Variants in CSGALNACT2 observed in about 807,000 individuals in gnomAD.
CSGALNACT2 encodes beta 4 GalNAcT-2.
CSGALNACT2 carries 35 observed loss-of-function variants against 55.3 expected under a neutral mutation model. That is an observed-to-expected ratio of 0.63 (90% CI 0.48 to 0.84). CSGALNACT2 has a LOEUF of 0.84. CSGALNACT2 is among the 40% of genes least tolerant of loss of function. The pLI is 0.00. For missense variants in CSGALNACT2, 544 were observed against 657.5 expected (o/e 0.83, Z 1.89); for synonymous variants, 196 against 224.9 (o/e 0.87, Z 1.15).
At chr10:43,176,070 A>T in intron 7 of CSGALNACT2, 38 bp downstream of exon 7, 3 of 1,477,278 alleles carry the variant, frequency 2.0e-6, no homozygotes, top group Admixed American at 4.1e-5. Flanking sequence ...GACTTTATTT[A>T]CTCCAGACTT....
At position 43,154,913 on chromosome 10, in the gene CSGALNACT2, A is replaced by G; in HGVS notation, c.-237A>G. On this transcript the variant is annotated 5_prime_UTR_variant, in exon 2 of 8. In the 5' UTR this introduces an upstream ATG that the reference lacks. Transcript: ENST00000374466. ...GTCTTTCAGAAAAATCACTACCAAT[A>G]TAATGGATTTTATATATCAGATTGC... 2.1e-6 allele frequency: 1 copy of G among 486,262 alleles called. No individual in the cohort carries two copies. The highest frequency in any genetic ancestry group is 3.6e-6 in the Non-Finnish European group (1 of 275,816). 30.1% of individuals were successfully genotyped at this position (486,262 alleles called of 1,614,324 possible).
chr10:43,168,761 CA>C (rs1421387231), intron 6 of CSGALNACT2, among the ~76,000 whole-genome samples: 9 of 151,848 alleles, frequency 5.9e-5, no homozygotes, highest in African/African-American at 1.9e-4. Flanking sequence ...CAAATAGGTT[CA>C]AAATGGCAAA....
chr10:43,167,745 A>G (rs1839296747), intron 6 of CSGALNACT2, among the ~76,000 whole-genome samples: 1 of 152,182 alleles, frequency 6.6e-6, no homozygotes, highest in Non-Finnish European at 1.5e-5. Context: ...CACTAGGATT[A>G]CACCAGTTTT....
rs1839083694 is a variant in CSGALNACT2, at chr10:43,158,948, A to G, written c.878+17A>G. The G allele has an allele frequency of 3.4e-6, 5 of 1,458,820 alleles. No homozygotes were observed. Among genetic ancestry groups the G allele is most frequent in the Middle Eastern group, 1.8e-4 (1 of 5,714 alleles). The allele number at this position is 1,458,820 out of a possible 1,614,324, so 90.4% of individuals were successfully genotyped here. ...GAACTTCAGGTAACTGTCAGGGCTTAATGATTAAGCTACATTCTCCTAAAA... is the reference window on the plus strand; with the variant it reads ...GAACTTCAGGTAACTGTCAGGGCTTGATGATTAAGCTACATTCTCCTAAAA... On this transcript the variant is annotated intron_variant, in intron 3 of 7. Coordinates refer to ENST00000374466, the MANE Select transcript of CSGALNACT2 (RefSeq NM_018590.5).
At chr10:43,146,608 T>C (rs1838753569) in intron 1 of CSGALNACT2, among the ~76,000 whole-genome samples, 1 of 152,150 alleles carries the variant, frequency 6.6e-6, no homozygotes, top group Non-Finnish European at 1.5e-5. Flanking sequence ...CTCCCACTTG[T>C]AGCCCCAGAT....
intron 3 of CSGALNACT2, among the ~76,000 whole-genome samples, chr10:43,159,494 C>G (rs1839098078): frequency 6.6e-6 from 1 of 152,096 alleles, no homozygotes; most frequent in Non-Finnish European, 1.5e-5. Flanking sequence ...CCATGTTGTC[C>G]AGGCTGGAAT....
At chr10:43,174,750 A>G (rs113995803) in intron 6 of CSGALNACT2, among the ~76,000 whole-genome samples, 4,081 of 152,248 alleles carry the variant, frequency 0.027, 152 homozygotes, top group African/African-American at 0.088. Context: ...TCTTTGTAGC[A>G]TGTATCACCA....
rs772692460 is a variant in CSGALNACT2, at chr10:43,183,584, CTATT to C, written c.*49_*52del. ...TTACTGTATGAACCACAAAACAGCA[CTATT>C]TATTTAGCCTTACTTCTACTTCCAG... On this transcript the variant is annotated 3_prime_UTR_variant, in exon 8 of 8. Coordinates refer to ENST00000374466, the MANE Select transcript of CSGALNACT2 (RefSeq NM_018590.5). 2.7e-5 allele frequency: 41 copies of C among 1,532,806 alleles called. No individual in the cohort carries two copies. Among genetic ancestry groups the C allele is most frequent in the Middle Eastern group, 1.7e-4 (1 of 5,886 alleles). The allele number at this position is 1,532,806 out of a possible 1,614,324, so 95.0% of individuals were successfully genotyped here. A position where few individuals can be genotyped will look rare whatever the true frequency, so the allele number is the denominator to read the frequency against.
intron 6 of CSGALNACT2, among the ~76,000 whole-genome samples, chr10:43,169,575 G>A (rs1346475960): frequency 6.6e-6 from 1 of 152,124 alleles, no homozygotes; most frequent in Non-Finnish European, 1.5e-5. Flanking sequence ...AACTGGACAC[G>A]TAAAGTTCAC....
chr10:43,184,631 C>G lies in CSGALNACT2; in HGVS notation c.*1089C>G, dbSNP rs1425574598. The G allele has an allele frequency of 6.6e-6, 1 of 152,124 alleles. No homozygotes were observed. The highest frequency in any genetic ancestry group is 1.5e-5 in the Non-Finnish European group (1 of 68,020). The allele number at this position is 152,124 out of a possible 1,614,324, so 9.4% of individuals were successfully genotyped here. A position where few individuals can be genotyped will look rare whatever the true frequency, so the allele number is the denominator to read the frequency against. ...AGGGGAAGATAGTCTGAATGGAAATCTGAAATACGGAATGTTTTAGAGAAA... is the reference window on the plus strand; with the variant it reads ...AGGGGAAGATAGTCTGAATGGAAATGTGAAATACGGAATGTTTTAGAGAAA... On this transcript the variant is annotated 3_prime_UTR_variant, in exon 8 of 8. Transcript: ENST00000374466.
At position 43,183,470 on chromosome 10, in the gene CSGALNACT2, G is replaced by C; in HGVS notation, c.1557G>C (p.Leu519=). ...CCTCTCACTCCCACCTGGGAATGCT[G>C]GTCTTCAGGGAGGAAATAGAGACGC... ...NEASHSHLGM[L]VFREEIETHL... is the part of the protein sequence containing the mutation. Residue 519 remains leucine, a synonymous_variant, in exon 8 of 8, where the codon CTG becomes CTC. Transcript: ENST00000374466. The C allele has an allele frequency of 6.2e-7, 1 of 1,613,962 alleles. No individual in the cohort carries two copies. Among genetic ancestry groups the C allele is most frequent in the Non-Finnish European group, 8.5e-7 (1 of 1,179,884 alleles).
At chr10:43,179,588 A>G (rs1436557171) in intron 7 of CSGALNACT2, among the ~76,000 whole-genome samples, 1 of 152,112 alleles carries the variant, frequency 6.6e-6, no homozygotes, top group East Asian at 1.9e-4. Flanking sequence ...TATCACTCCT[A>G]TTAGACTCCA....
rs1034462798 is a variant in CSGALNACT2 at position 43,163,868 on chromosome 10, A to G, written c.983A>G (p.Glu328Gly). 1.9e-6 allele frequency: 3 copies of G among 1,611,762 alleles called. No homozygotes were observed. The highest frequency in any genetic ancestry group is 2.5e-6 in the Non-Finnish European group (3 of 1,178,752). The change falls in exon 5 of 8, where the codon GAG becomes GGG. Residue 328 changes from glutamate to glycine, a missense_variant and splice_region_variant. Glu to Gly is a moderately conservative substitution (Grantham distance 98, BLOSUM62 -2). This residue lies in a region of CSGALNACT2 where 374 missense variants were observed against 401.3 expected (regional missense o/e 0.93). Coordinates refer to ENST00000374466, the MANE Select transcript of CSGALNACT2 (RefSeq NM_018590.5). ...VKSILESVTS[E>G]SNFHNYTLVS... Reference sequence around the variant, plus strand: ...TGTTGTGTGTGCTTTCCTCATAGTGAGTCTAATTTTCACAATTACACCTTG... The same window carrying G: ...TGTTGTGTGTGCTTTCCTCATAGTGGGTCTAATTTTCACAATTACACCTTG...
intron 6 of CSGALNACT2, among the ~76,000 whole-genome samples, chr10:43,167,369 A>C (rs953204335): frequency 1.3e-5 from 2 of 152,224 alleles, no homozygotes; most frequent in Non-Finnish European, 2.9e-5. Flanking sequence ...TGGAAATTGT[A>C]CAGTCATTTC....
intron 1 of CSGALNACT2, among the ~76,000 whole-genome samples, chr10:43,146,336 C>T (rs1691449595): frequency 6.6e-6 from 1 of 152,162 alleles, no homozygotes; most frequent in African/African-American, 2.4e-5. Flanking sequence ...AGGAAGCATC[C>T]AGCATGGGAG....
chr10:43,162,840 T>C (rs947177410), intron 4 of CSGALNACT2: 1 of 950,604 alleles, frequency 1.1e-6, no homozygotes, highest in Non-Finnish European at 1.3e-6. Flanking sequence ...CACAGGAAGC[T>C]GATGCTGTGG....
chr10:43,152,549 C>A (rs185078197), intron 1 of CSGALNACT2, among the ~76,000 whole-genome samples: 156 of 152,266 alleles, frequency 1.0e-3, no homozygotes, highest in East Asian at 3.3e-3. Context: ...ATGACCTTAG[C>A]TTTTTAACAC....
Position 43,155,536 on chromosome 10 carries a change from C to T in CSGALNACT2, c.387C>T (p.Asp129=), listed in dbSNP as rs1333145258. Residue 129 remains aspartate (D), a synonymous_variant, in exon 2 of 8, where the codon GAC becomes GAT. Coordinates refer to ENST00000374466, the MANE Select transcript of CSGALNACT2 (RefSeq NM_018590.5). ...DLLEFLHSQI[D]KAEVSIGAKL... ...TAGAGTTTCTTCATTCCCAAATTGA[C>T]AAAGCTGAAGTTAGCATAGGGGCCA... The T allele has an allele frequency of 1.4e-5, 23 of 1,614,204 alleles. No individual in the cohort carries two copies. The highest frequency in any genetic ancestry group is 1.9e-5 in the Non-Finnish European group (23 of 1,180,030).
intron 1 of CSGALNACT2, among the ~76,000 whole-genome samples, chr10:43,147,843 C>CT (rs1768322419): frequency 8.1e-6 from 1 of 123,766 alleles, no homozygotes; most frequent in African/African-American, 3.1e-5. Flanking sequence ...CAAATGTTCT[C>CT]TAATTGTATG....
Sources: allele counts gnomAD v4.1 joint callset (sites outside exome capture counted in the v4.1 genomes callset), GRCh38; gene constraint gnomAD v4.1.1; regional missense constraint gnomAD v4.1.1; transcripts MANE v1.5; gene names NCBI Gene and HGNC (gene_info 2026-07-23, HGNC 2026-07-21).